Variants in KLC3 observed in about 807,000 individuals in gnomAD.
KLC3 encodes the protein kinesin light chain 3.
In KLC3, 72 loss-of-function variants were observed where a neutral mutation model predicts 62.9. That is an observed-to-expected ratio of 1.15 (90% CI 0.95 to 1.39). The LOEUF is 1.39. Ranked by LOEUF, KLC3 falls within the 40% of genes most tolerant of loss-of-function variation. The probability of loss-of-function intolerance (pLI) is 0.00; values close to 1 mark genes in which losing one functional copy is unlikely to be tolerated. For synonymous variants in KLC3, 377 were observed against 300.5 expected (o/e 1.25, Z -2.63); for missense variants, 848 against 691.6 (o/e 1.23, Z -2.54).
chr19:45,345,757 C>T lies in KLC3; in HGVS notation c.216C>T (p.Ser72=), dbSNP rs1195121658. Residue 72 remains serine, a synonymous_variant, in exon 2 of 13, where the codon AGC becomes AGT. Coordinates refer to ENST00000391946, the MANE Select transcript of KLC3 (RefSeq NM_177417.3). ...EMLEEKQQVV[S]HSLEAIELGL... ...TGGAGGAAAAGCAGCAGGTGGTGAG[C>T]CACTCGCTGGAGGCCATCGAGCTGG... 6.4e-7 allele frequency: 1 copy of T among 1,554,068 alleles called. No homozygotes were observed. Among genetic ancestry groups the T allele is most frequent in the Non-Finnish European group, 8.7e-7 (1 of 1,149,530 alleles).
At chr19:45,349,673 A>C in intron 8 of KLC3, 71 bp downstream of exon 8, 1 of 993,096 alleles carries the variant, frequency 1.0e-6, no homozygotes, top group South Asian at 2.0e-5. Flanking sequence ...CATTGGTTGG[A>C]TACAGGGTGA....
intron 8 of KLC3, chr19:45,349,864 A>C: frequency 6.0e-6 from 3 of 497,392 alleles, no homozygotes; most frequent in Non-Finnish European, 7.1e-6. Flanking sequence ...TATTGAGCTC[A>C]CTGTGGCCGG....
intron 11 of KLC3, 42 bp downstream of exon 11, chr19:45,350,789 G>A (rs1971713655): frequency 1.9e-6 from 3 of 1,549,794 alleles, no homozygotes; most frequent in Non-Finnish European, 2.6e-6. Flanking sequence ...GACATCAGCA[G>A]AATCCACAGC....
At position 45,343,584 on chromosome 19, in the gene KLC3, C is replaced by G. The variant is rs366314; in HGVS notation, c.-8-1950C>G. ...TCCTGACCTCAACTGATCCACCCACCTCGGCCTCCCAAAGTGCTGGGATTA... is the reference window on the plus strand; with the variant it reads ...TCCTGACCTCAACTGATCCACCCACGTCGGCCTCCCAAAGTGCTGGGATTA... On this transcript the variant is annotated intron_variant, in intron 1 of 12. Transcript: ENST00000391946. Among the ~76,000 whole-genome samples the G allele has an allele frequency of 3.0e-3, 455 of 152,224 alleles. 4 individuals are homozygous for G. Among genetic ancestry groups the G allele is most frequent in the African/African-American group, 0.01 (418 of 41,554 alleles).
chr19:45,346,522 T>A, intron 2 of KLC3, 22 bp from the exon 3 acceptor site: 3 of 1,509,160 alleles, frequency 2.0e-6, no homozygotes, highest in Non-Finnish European at 2.7e-6. Context: ...CAACCTCGAC[T>A]TGGGACCCCC....
Position 45,350,380 on chromosome 19 carries a change from G to C in KLC3, c.1183G>C (p.Glu395Gln), listed in dbSNP as rs777946831. Residue 395 changes from glutamate (E) to glutamine (Q), a missense_variant, in exon 9 of 13, where the codon GAA becomes CAA. Glu to Gln is a conservative substitution (Grantham distance 29). Coordinates refer to ENST00000391946, the MANE Select transcript of KLC3 (RefSeq NM_177417.3). ...GAAACAGAACAAGTATCAACAAGCGGAAGAGCTGTACAAAGAAATCCTCCA... is the reference window on the plus strand; with the variant it reads ...GAAACAGAACAAGTATCAACAAGCGCAAGAGCTGTACAAAGAAATCCTCCA... Reference protein sequence around the residue: ...YLKQNKYQQAEELYKEILHKE... With the variant: ...YLKQNKYQQAQELYKEILHKE... 2.5e-6 allele frequency: 4 copies of C among 1,613,450 alleles called. No individual in the cohort carries two copies. Among genetic ancestry groups the C allele is most frequent in the Admixed American group, 1.7e-5 (1 of 59,962 alleles).
In KLC3 at chr19:45,349,530, C is replaced by T; in HGVS notation, c.1071C>T (p.Ala357=). 3.1e-6 allele frequency: 5 copies of T among 1,614,020 alleles called. No homozygotes were observed. Among genetic ancestry groups the T allele is most frequent in the Non-Finnish European group, 4.2e-6 (5 of 1,179,982 alleles). Residue 357 remains alanine, a synonymous_variant, in exon 8 of 13, where the codon GCC becomes GCT. Transcript: ENST00000391946. ...GKFEDVERHY[A]RALSIYEALG... Reference sequence around the variant, plus strand: ...TTGAGGACGTGGAGCGGCACTATGCCCGGGCCCTGAGCATCTATGAGGCAC... The same window carrying T: ...TTGAGGACGTGGAGCGGCACTATGCTCGGGCCCTGAGCATCTATGAGGCAC...
At chr19:45,341,016 C>T (rs1374064800) in intron 1 of KLC3, among the ~76,000 whole-genome samples, 170 bp downstream of exon 1, 1 of 152,046 alleles carries the variant, frequency 6.6e-6, no homozygotes, top group African/African-American at 2.4e-5. Context: ...GGGTCCCATG[C>T]CCCCCACCCC....
At chr19:45,351,221 CTGGAGG>C in intron 12 of KLC3, 59 bp from the exon 13 acceptor site, 3 of 1,591,384 alleles carry the variant, frequency 1.9e-6, no homozygotes, top group South Asian at 2.3e-5. Context: ...GGACCTGGAG[CTGGAGG>C]GTGGATGTAA....
chr19:45,341,997 C>A (rs188931384), intron 1 of KLC3, among the ~76,000 whole-genome samples: 6 of 151,834 alleles, frequency 4.0e-5, no homozygotes, highest in African/African-American at 1.2e-4. Context: ...ATCAGCTGTG[C>A]GGTTGTGCAC....
chr19:45,349,363 A>G, intron 7 of KLC3, 66 bp from the exon 8 acceptor site: 1 of 1,490,442 alleles, frequency 6.7e-7, no homozygotes, highest in African/African-American at 1.4e-5. Flanking sequence ...ACCACCATAC[A>G]GCAGTGATGT....
At chr19:45,347,573 C>G in intron 4 of KLC3, 57 bp downstream of exon 4, 1 of 1,506,400 alleles carries the variant, frequency 6.6e-7, no homozygotes, top group African/African-American at 1.4e-5. Flanking sequence ...GGAGGGGGCT[C>G]TGAGCTGCAG....
intron 2 of KLC3, 85 bp downstream of exon 2, chr19:45,345,884 G>C: frequency 7.8e-7 from 1 of 1,275,798 alleles, no homozygotes; most frequent in Non-Finnish European, 9.9e-7. Context: ...GGTATGTAGG[G>C]GACTGGGAGA....
intron 2 of KLC3, 22 bp downstream of exon 2, chr19:45,345,821 A>G (rs1599706700): frequency 2.0e-6 from 3 of 1,512,782 alleles, no homozygotes; most frequent in South Asian, 1.3e-5. Flanking sequence ...CCAGGTGGGG[A>G]GCTGGGGGAA....
Position 45,348,648 on chromosome 19 carries a change from A to G in KLC3, c.782A>G (p.Asp261Gly), listed in dbSNP as rs762637411. Reference sequence around the variant, plus strand: ...CATTCCTGGGGCGCCCCCCACAGGGACCAGAACAAGTACAAAGAAGCCACA... The same window carrying G: ...CATTCCTGGGGCGCCCCCCACAGGGGCCAGAACAAGTACAAAGAAGCCACA... Reference protein sequence around the residue: ...MLNILALVYRDQNKYKEATDL... With the variant: ...MLNILALVYRGQNKYKEATDL... Residue 261 changes from aspartate (D) to glycine (G), a missense_variant and splice_region_variant, in exon 6 of 13, where the codon GAC (aspartate) becomes GGC (glycine). Transcript: ENST00000391946. 4 of 1,576,132 alleles carry G rather than the reference A, an allele frequency of 2.5e-6. No homozygotes were observed. The East Asian group carries it at 9.4e-5, about 37-fold the overall frequency.
chr19:45,351,358 CGT>C lies in KLC3; in HGVS notation c.*2_*3del. The C allele has an allele frequency of 6.2e-7, 1 of 1,610,666 alleles. No individual in the cohort carries two copies. Among genetic ancestry groups the C allele is most frequent in the Non-Finnish European group, 8.5e-7 (1 of 1,180,006 alleles). On this transcript the variant is annotated 3_prime_UTR_variant, in exon 13 of 13. Transcript: ENST00000391946. ...CACCCAGGACCTGAGCCCCCACTAA[CGT>C]CCAGTGAACTGCGCTGGCCGCAGCT...
In KLC3 at chr19:45,351,402, G is replaced by C. The variant is rs1971768011; in HGVS notation, c.*45G>C. On this transcript the variant is annotated 3_prime_UTR_variant, in exon 13 of 13. Coordinates refer to ENST00000391946, the MANE Select transcript of KLC3 (RefSeq NM_177417.3). Reference sequence around the variant, plus strand: ...GCCGCAGCTTCTTGGGAACAGTGCAGGAGGGATGGGCTGGTGGGGTGAGAG... The same window carrying C: ...GCCGCAGCTTCTTGGGAACAGTGCACGAGGGATGGGCTGGTGGGGTGAGAG... 6.2e-7 allele frequency: 1 copy of C among 1,602,242 alleles called. No individual in the cohort carries two copies. The highest frequency in any genetic ancestry group is 8.5e-7 in the Non-Finnish European group (1 of 1,177,688).
intron 7 of KLC3, 64 bp from the exon 8 acceptor site, chr19:45,349,365 C>T: frequency 6.1e-6 from 9 of 1,487,324 alleles, no homozygotes; most frequent in Non-Finnish European, 8.2e-6. Flanking sequence ...CACCATACAG[C>T]AGTGATGTCA....
rs1481128884 is a variant in KLC3, at chr19:45,348,901, G to A, written c.949G>A (p.Ala317Thr). 1.5e-5 allele frequency: 23 copies of A among 1,583,382 alleles called. No individual in the cohort carries two copies. Among genetic ancestry groups the A allele is most frequent in the African/African-American group, 2.7e-5 (2 of 74,492 alleles). Reference sequence around the variant, plus strand: ...GGAGGCAGAGCCCCTGTGCCAGCGCGCTTTGGAGATCCGAGAGAAGGTCCC... The same window carrying A: ...GGAGGCAGAGCCCCTGTGCCAGCGCACTTTGGAGATCCGAGAGAAGGTCCC... The part of the protein sequence containing the change: ...YREAEPLCQR[A>T]LEIREKVLGA... The change falls in exon 7 of 13, where the codon GCT (alanine) becomes ACT (threonine). Residue 317 changes from alanine to threonine, a missense_variant. Ala to Thr is a moderately conservative substitution (Grantham distance 58). Coordinates refer to ENST00000391946, the MANE Select transcript of KLC3 (RefSeq NM_177417.3).
Sources: gnomAD v4.1 joint callset for allele counts (sites outside exome capture counted in the v4.1 genomes callset) on GRCh38, gnomAD v4.1.1 for gene constraint, MANE v1.5 for transcripts, NCBI Gene and HGNC (gene_info 2026-07-23, HGNC 2026-07-21) for gene names.